Variants in SHANK2 observed in about 807,000 individuals in gnomAD.
SHANK2 encodes the protein SH3 and multiple ankyrin repeat domains 2.
SHANK2 carries 43 observed loss-of-function variants against 133.7 expected under a neutral mutation model. The observed-to-expected ratio is 0.32, with a 90% CI of 0.25 to 0.41. The LOEUF is 0.41. SHANK2 is among the 10% of genes least tolerant of loss of function. The probability of loss-of-function intolerance (pLI) is 1.00; values close to 1 mark genes in which losing one functional copy is unlikely to be tolerated. For missense variants in SHANK2, 1,994 were observed against 2,235.8 expected, an observed-to-expected ratio of 0.89 and a Z score of 2.18; for synonymous variants, 1,017 against 952.8, an observed-to-expected ratio of 1.07 and a Z score of -1.24.
intron 11 of SHANK2, among the ~76,000 whole-genome samples, chr11:70,893,939 G>T (rs542626686): frequency 3.1e-4 from 47 of 152,250 alleles, no homozygotes; most frequent in Non-Finnish European, 6.5e-4. Context: ...TCAATGGGGG[G>T]TGCTGTTTAC....
At chr11:70,489,390 G>A in intron 23 of SHANK2, 42 bp from the exon 24 acceptor site, 1 of 1,607,008 alleles carries the variant, frequency 6.2e-7, no homozygotes. Context: ...GTAACCGCAA[G>A]ACAAATACGC....
intron 17 of SHANK2, among the ~76,000 whole-genome samples, chr11:70,625,717 C>T (rs571256977): frequency 6.6e-6 from 1 of 150,980 alleles, no homozygotes; most frequent in East Asian, 2.0e-4. Context: ...TTACTCAGGC[C>T]CCTCCGCTCC....
intron 15 of SHANK2, among the ~76,000 whole-genome samples, chr11:70,686,443 C>G (rs1217608590): frequency 6.6e-6 from 1 of 151,830 alleles, no homozygotes; most frequent in Non-Finnish European, 1.5e-5. Flanking sequence ...CATCTATCTA[C>G]CCATCCACAC....
intron 10 of SHANK2, among the ~76,000 whole-genome samples, chr11:70,929,875 C>CT (rs1950479634): frequency 6.6e-6 from 1 of 152,178 alleles, no homozygotes; most frequent in South Asian, 2.1e-4. Context: ...GAAACGTGAG[C>CT]TTTAAGTGCC....
intron 11 of SHANK2, chr11:70,864,363 C>T (rs1386856322): frequency 6.3e-6 from 1 of 158,942 alleles, no homozygotes; most frequent in Non-Finnish European, 1.4e-5. Flanking sequence ...CAGCTTCGGA[C>T]AGGTGACCCT....
intron 15 of SHANK2, among the ~76,000 whole-genome samples, chr11:70,683,096 G>A (rs1252931204): frequency 4.6e-5 from 7 of 152,122 alleles, no homozygotes; most frequent in Non-Finnish European, 7.4e-5. Flanking sequence ...CAGGCTCACC[G>A]CTGGCTCAGG....
rs182038431 is a variant in SHANK2 at position 71,105,924 on chromosome 11, A to G, written c.592+4017T>C. ...CTGTTGGGTACAGCACCAAGCGTAA[A>G]CCCTCATGTAAGCTCTGTACTTGAG... On this transcript the variant is annotated intron_variant, in intron 6 of 25. Coordinates refer to ENST00000601538, the MANE Select transcript of SHANK2 (RefSeq NM_012309.5). 5.9e-5 allele frequency among the ~76,000 whole-genome samples: 9 copies of G among 152,252 alleles called. No homozygotes were observed. The East Asian group carries it at 1.4e-3, about 23-fold the overall frequency.
At chr11:70,785,717 C>A (rs186125524) in intron 14 of SHANK2, among the ~76,000 whole-genome samples, 2 of 152,328 alleles carry the variant, frequency 1.3e-5, no homozygotes, top group East Asian at 3.9e-4. Flanking sequence ...CCTGCCACAC[C>A]TTCCAGGGGC....
chr11:70,833,224 G>A (rs750367481), intron 11 of SHANK2, among the ~76,000 whole-genome samples: 7 of 152,370 alleles, frequency 4.6e-5, no homozygotes, highest in Non-Finnish European at 8.8e-5. Flanking sequence ...CTCTGACTGT[G>A]CACAGCACCA....
chr11:70,772,247 C>T (rs1419296602), intron 14 of SHANK2, among the ~76,000 whole-genome samples: 1 of 151,798 alleles, frequency 6.6e-6, no homozygotes, highest in Non-Finnish European at 1.5e-5. Context: ...TGAGACCAGC[C>T]TGGCCAACAT....
intron 10 of SHANK2, among the ~76,000 whole-genome samples, chr11:70,947,165 AC>A (rs1950759267): frequency 7.8e-6 from 1 of 127,844 alleles, no homozygotes; most frequent in Non-Finnish European, 1.9e-5. Flanking sequence ...ACACACACAC[AC>A]ACACACACAC....
chr11:70,568,206 C>G (rs782060915), intron 17 of SHANK2, among the ~76,000 whole-genome samples: 1 of 152,218 alleles, frequency 6.6e-6, no homozygotes, highest in Non-Finnish European at 1.5e-5. Flanking sequence ...GCCTCTTCCG[C>G]GAGACTTAAG....
At chr11:70,714,533 C>T (rs1253998764) in intron 14 of SHANK2, among the ~76,000 whole-genome samples, 1 of 152,238 alleles carries the variant, frequency 6.6e-6, no homozygotes, top group Non-Finnish European at 1.5e-5. Flanking sequence ...ACACAATCAG[C>T]AACTGATGGA....
intron 2 of SHANK2, among the ~76,000 whole-genome samples, chr11:71,167,537 G>GT (rs1303825157): frequency 2.2e-5 from 3 of 134,456 alleles, no homozygotes; most frequent in African/African-American, 8.8e-5. Context: ...TGGCCGGGCG[G>GT]GGGGCTGACC....
chr11:71,101,857 T>G (rs536910828), intron 6 of SHANK2, among the ~76,000 whole-genome samples: 1 of 151,686 alleles, frequency 6.6e-6, no homozygotes, highest in Admixed American at 6.6e-5. Flanking sequence ...GAAGCCGGAG[T>G]TGGGGGGCGG....
intron 16 of SHANK2, among the ~76,000 whole-genome samples, chr11:70,660,456 C>T (rs2061468024): frequency 1.3e-5 from 2 of 152,202 alleles, no homozygotes; most frequent in South Asian, 4.1e-4. Flanking sequence ...CATGAGTCCT[C>T]TCTACAGGGA....
intron 17 of SHANK2, among the ~76,000 whole-genome samples, chr11:70,595,413 CT>C (rs1437562507): frequency 6.6e-6 from 1 of 152,240 alleles, no homozygotes; most frequent in East Asian, 1.9e-4. Flanking sequence ...ACTGAGGCTT[CT>C]TTTAAAGTCG....
chr11:71,108,298 C>T (rs1369837961), intron 6 of SHANK2, among the ~76,000 whole-genome samples: 2 of 152,172 alleles, frequency 1.3e-5, no homozygotes, highest in Non-Finnish European at 2.9e-5. Flanking sequence ...TCGGCCAGGG[C>T]CCTCCCAAGC....
chr11:71,090,540 C>G (rs1309852685), intron 8 of SHANK2, among the ~76,000 whole-genome samples: 88 of 3,502 alleles, frequency 0.025, 6 homozygotes, highest in Middle Eastern at 0.1. Context: ...AACACAACCT[C>G]TGTGTGTGTG....
Sources: allele counts gnomAD v4.1 joint callset (sites outside exome capture counted in the v4.1 genomes callset), GRCh38; gene constraint gnomAD v4.1.1; transcripts MANE v1.5; gene names NCBI Gene and HGNC (gene_info 2026-07-23, HGNC 2026-07-21).